The following CLGN variants were observed in gnomAD, a reference collection of about 807,000 sequenced individuals.
CLGN encodes the protein calmegin.
CLGN carries 62 observed loss-of-function variants against 79.1 expected under a neutral mutation model. The ratio of observed to expected loss-of-function variants is 0.78; its 90% CI spans 0.64 to 0.97. CLGN has a LOEUF of 0.97. Among genes scored for constraint, CLGN ranks in the 50% least tolerant of loss-of-function variants. The pLI is 0.00. For synonymous variants in CLGN, 225 were observed against 224.7 expected, an observed-to-expected ratio of 1.00 and a Z score of -0.01; for missense variants, 647 against 715.5, an observed-to-expected ratio of 0.90 and a Z score of 1.09.
intron 1 of CLGN, among the ~76,000 whole-genome samples, chr4:140,414,612 G>A (rs1487369986): frequency 2.1e-5 from 3 of 145,496 alleles, no homozygotes; most frequent in Non-Finnish European, 4.5e-5. Context: ...GATGGAAGAT[G>A]AAATGAATGA....
Position 140,400,429 on chromosome 4 carries a change from T to C in CLGN, c.622A>G (p.Lys208Glu), listed in dbSNP as rs1166063640. 3 of 1,613,302 alleles carry C rather than the reference T, an allele frequency of 1.9e-6. No homozygotes were observed. The African/African-American group carries it at 4.0e-5, about 22-fold the overall frequency. ...TCTACATCTGGAGGTTTGGCATGTT[T>C]CTCTTCGAAAACTCCAGTTTTGGGA... is the stretch of plus-strand genomic sequence containing the variant. ...KHPKTGVFEE[K>E]HAKPPDVDLK... The change falls in exon 7 of 15, where the codon AAA becomes GAA. Residue 208 changes from lysine (K) to glutamate (E), a missense_variant. Lys to Glu is a moderately conservative substitution (Grantham distance 56). Coordinates refer to ENST00000325617, the MANE Select transcript of CLGN (RefSeq NM_004362.3).
intron 5 of CLGN, among the ~76,000 whole-genome samples, chr4:140,404,442 C>A (rs1397458951): frequency 6.6e-6 from 1 of 152,032 alleles, no homozygotes; most frequent in Non-Finnish European, 1.5e-5. Flanking sequence ...TAATTATATT[C>A]ATATATATTA....
intron 1 of CLGN, among the ~76,000 whole-genome samples, chr4:140,423,379 T>G (rs185647406): frequency 6.6e-6 from 1 of 152,242 alleles, no homozygotes; most frequent in Non-Finnish European, 1.5e-5. Flanking sequence ...ATTTTAGGAA[T>G]AAATCCAACA....
intron 5 of CLGN, among the ~76,000 whole-genome samples, chr4:140,405,643 A>C (rs1295964868): frequency 3.3e-5 from 5 of 152,306 alleles, no homozygotes; most frequent in African/African-American, 1.2e-4. Flanking sequence ...CAATACAAGC[A>C]CTCAGACCAA....
Position 140,393,957 on chromosome 4 carries a change from C to A in CLGN, c.1234G>T (p.Gly412Cys), listed in dbSNP as rs369401077. 37 of 1,613,400 alleles carry A rather than the reference C, an allele frequency of 2.3e-5. No homozygotes were observed. Among genetic ancestry groups the A allele is most frequent in the Admixed American group, 8.3e-5 (5 of 59,984 alleles). Residue 412 changes from glycine to cysteine, a missense_variant, in exon 11 of 15, where the codon GGT becomes TGT. By Grantham distance (159) the Gly-to-Cys change is radical (BLOSUM62 -3). Coordinates refer to ENST00000325617, the MANE Select transcript of CLGN (RefSeq NM_004362.3). Reference sequence around the variant, plus strand: ...GAGGTCATAGACCAAAGCTCTAAACCAAGAGCACTGAAAGAAGTCAGAAGA... The same window carrying A: ...GAGGTCATAGACCAAAGCTCTAAACAAAGAGCACTGAAAGAAGTCAGAAGA... The part of the protein sequence containing the change: ...PFLLTSFSAL[G>C]LELWSMTSDI...
chr4:140,410,645 A>G lies in CLGN; in HGVS notation c.145-19T>C, dbSNP rs753408273. ...ATTTAATCTAGAAAAGAGATTTTCC[A>G]AGTCTAAAGTTATTCATTTTCACAA... On this transcript the variant is annotated intron_variant, in intron 2 of 14. Transcript: ENST00000325617. 5.8e-6 allele frequency: 8 copies of G among 1,390,764 alleles called. No homozygotes were observed. The South Asian group carries it at 8.4e-5, about 15-fold the overall frequency. The allele number at this position is 1,390,764 out of a possible 1,614,324, so 86.2% of individuals were successfully genotyped here. A position where few individuals can be genotyped will look rare whatever the true frequency, so the allele number is the denominator to read the frequency against.
At chr4:140,424,090 C>T (rs1013096332) in intron 1 of CLGN, among the ~76,000 whole-genome samples, 6 of 151,984 alleles carry the variant, frequency 3.9e-5, no homozygotes, top group Non-Finnish European at 1.5e-5. Flanking sequence ...TTTTCTAGTT[C>T]CTCAAGGTGT....
At chr4:140,408,593 A>T (rs1044835729) in intron 4 of CLGN, among the ~76,000 whole-genome samples, 1 of 152,116 alleles carries the variant, frequency 6.6e-6, no homozygotes, top group African/African-American at 2.4e-5. Context: ...ATCACTAATC[A>T]TCAAGGAAAT....
At chr4:140,389,392 A>G in intron 14 of CLGN, 88 bp from the exon 15 acceptor site, 1 of 927,068 alleles carries the variant, frequency 1.1e-6, no homozygotes, top group Non-Finnish European at 1.7e-6. Flanking sequence ...ATTCTCTAAA[A>G]TATATGTGCT....
Position 140,413,164 on chromosome 4 carries a change from A to G in CLGN, c.-9-77T>C. 2.8e-6 allele frequency: 3 copies of G among 1,088,872 alleles called. No individual in the cohort carries two copies. The South Asian group carries it at 4.3e-5, about 16-fold the overall frequency. 67.5% of individuals were successfully genotyped at this position (1,088,872 alleles called of 1,614,324 possible). ...TGTTAAGTATATGTAGAAATAAATA[A>G]TTTCTCCATAATAGCTCCTTTATTC... On this transcript the variant is annotated intron_variant, in intron 1 of 14. Coordinates refer to ENST00000325617, the MANE Select transcript of CLGN (RefSeq NM_004362.3).
chr4:140,394,591 T>A (rs1419814822), intron 10 of CLGN, among the ~76,000 whole-genome samples: 1 of 152,192 alleles, frequency 6.6e-6, no homozygotes, highest in African/African-American at 2.4e-5. Flanking sequence ...CACATGTATG[T>A]ATTCTGGGCC....
chr4:140,401,912 C>A, intron 6 of CLGN, 73 bp downstream of exon 6: 1 of 794,158 alleles, frequency 1.3e-6, no homozygotes. Flanking sequence ...ACAAAATATT[C>A]AGTTTTATCA....
chr4:140,409,359 T>C (rs1460542322), intron 4 of CLGN, among the ~76,000 whole-genome samples: 1 of 152,034 alleles, frequency 6.6e-6, no homozygotes, highest in Non-Finnish European at 1.5e-5. Flanking sequence ...TTGAAGATAA[T>C]CCTATTAGAC....
chr4:140,397,345 A>T (rs945796600), intron 8 of CLGN, among the ~76,000 whole-genome samples: 18 of 152,218 alleles, frequency 1.2e-4, no homozygotes, highest in African/African-American at 4.3e-4. Flanking sequence ...ATACACAAAA[A>T]CTATTTTTTC....
At chr4:140,395,742 T>A (rs1254570439) in intron 10 of CLGN, 77 bp downstream of exon 10, 2 of 1,213,386 alleles carry the variant, frequency 1.6e-6, no homozygotes, top group Admixed American at 5.8e-5. Context: ...AAAGTTGACA[T>A]AGGTAATTAG....
intron 7 of CLGN, 128 bp downstream of exon 7, chr4:140,400,229 C>T (rs554402151): frequency 6.4e-6 from 4 of 628,818 alleles, no homozygotes; most frequent in African/African-American, 3.8e-5. Context: ...TATACATGTC[C>T]TATTTTCTGA....
intron 1 of CLGN, among the ~76,000 whole-genome samples, chr4:140,416,918 T>C (rs1729344698): frequency 6.6e-6 from 1 of 151,958 alleles, no homozygotes; most frequent in South Asian, 2.1e-4. Context: ...TTTAGACCAA[T>C]ATCCTTGATG....
At chr4:140,412,663 T>C (rs1273792988) in intron 2 of CLGN, among the ~76,000 whole-genome samples, 1 of 152,188 alleles carries the variant, frequency 6.6e-6, no homozygotes, top group African/African-American at 2.4e-5. Context: ...TTAGCTTAGT[T>C]CTCTTTAATC....
At chr4:140,396,877 ATATATATATATATG>A (rs1430461088) in intron 8 of CLGN, among the ~76,000 whole-genome samples, 4 of 63,098 alleles carry the variant, frequency 6.3e-5, no homozygotes, top group East Asian at 3.8e-4. Flanking sequence ...ATATATACAT[ATATATATATATATG>A]TATATATATA....
Sources: gnomAD v4.1 joint callset for allele counts (sites outside exome capture counted in the v4.1 genomes callset) on GRCh38, gnomAD v4.1.1 for gene constraint, MANE v1.5 for transcripts, NCBI Gene and HGNC (gene_info 2026-07-23, HGNC 2026-07-21) for gene names.